The following MARK1 variants were observed in gnomAD, a reference collection of about 807,000 sequenced individuals.
MARK1 encodes the protein serine/threonine-protein kinase MARK1.
In MARK1, 40 loss-of-function variants were observed where a neutral mutation model predicts 96.3. The observed-to-expected ratio is 0.42, with a 90% CI of 0.32 to 0.54. The LOEUF is 0.54. MARK1 is among the 20% of genes least tolerant of loss of function. MARK1 has a pLI of 0.16. For synonymous variants in MARK1, 317 were observed against 341.2 expected, an observed-to-expected ratio of 0.93 and a Z score of 0.78; for missense variants, 719 against 984.6, an observed-to-expected ratio of 0.73 and a Z score of 3.61.
chr1:220,566,836 T>C (rs1663093113), intron 1 of MARK1, among the ~76,000 whole-genome samples: 1 of 152,154 alleles, frequency 6.6e-6, no homozygotes, highest in African/African-American at 2.4e-5. Context: ...GTTGAATGCT[T>C]TTTTAGACAT....
chr1:220,633,876 A>G (rs1304419493), intron 11 of MARK1, among the ~76,000 whole-genome samples: 2 of 152,208 alleles, frequency 1.3e-5, no homozygotes, highest in Non-Finnish European at 2.9e-5. Flanking sequence ...GGATGGAGCT[A>G]TTAGGCATTT....
chr1:220,640,654 T>C (rs908288771), intron 13 of MARK1, among the ~76,000 whole-genome samples: 3 of 152,186 alleles, frequency 2.0e-5, no homozygotes, highest in Non-Finnish European at 2.9e-5. Context: ...TTCTTACAAC[T>C]CTGGAGGCTG....
intron 1 of MARK1, among the ~76,000 whole-genome samples, chr1:220,542,834 G>A (rs575783097): frequency 1.2e-4 from 19 of 152,096 alleles, no homozygotes; most frequent in Admixed American, 7.2e-4. Flanking sequence ...CTACTGCACT[G>A]TAGAAATTCT....
intron 13 of MARK1, 136 bp downstream of exon 13, chr1:220,636,162 G>A (rs1667953804): frequency 3.4e-6 from 2 of 587,898 alleles, no homozygotes; most frequent in Non-Finnish European, 5.5e-6. Flanking sequence ...ATGCAAAAGG[G>A]ACCACACTTC....
Position 220,528,806 on chromosome 1 carries a change from C to T in MARK1, c.-17C>T. On this transcript the variant is annotated 5_prime_UTR_variant, in exon 1 of 18. Coordinates refer to ENST00000366917, the MANE Select transcript of MARK1 (RefSeq NM_018650.5). ...CCGGCCGGCGAGACCCCGGCCAGAC[C>T]CCGCTGCCCGCACAAAATGTCGGCC... The T allele has an allele frequency of 6.5e-7, 1 of 1,549,954 alleles. No homozygotes were observed. The highest frequency in any genetic ancestry group is 1.8e-4 in the Middle Eastern group (1 of 5,674).
chr1:220,642,432 C>G (rs1021520127), intron 13 of MARK1, among the ~76,000 whole-genome samples: 1 of 152,152 alleles, frequency 6.6e-6, no homozygotes, highest in Non-Finnish European at 1.5e-5. Flanking sequence ...GGCAGGGCCT[C>G]CCTGCAGGAA....
At chr1:220,642,410 C>T (rs1323616599) in intron 13 of MARK1, among the ~76,000 whole-genome samples, 4 of 152,170 alleles carry the variant, frequency 2.6e-5, no homozygotes, top group African/African-American at 4.8e-5. Flanking sequence ...CTGGATCCAT[C>T]CCTCGTCACC....
At chr1:220,547,855 C>A (rs1001661991) in intron 1 of MARK1, among the ~76,000 whole-genome samples, 13 of 152,154 alleles carry the variant, frequency 8.5e-5, no homozygotes, top group Admixed American at 7.9e-4. Flanking sequence ...CGCGAGCCAC[C>A]GCGCACAACC....
At chr1:220,651,450 A>G (rs921855491) in intron 14 of MARK1, among the ~76,000 whole-genome samples, 1 of 152,216 alleles carries the variant, frequency 6.6e-6, no homozygotes, top group African/African-American at 2.4e-5. Flanking sequence ...TTGGAAATTG[A>G]TTTCAGACTT....
rs1330440721 is a variant in MARK1 at position 220,528,233 on chromosome 1, C to T, written c.-590C>T. On this transcript the variant is annotated 5_prime_UTR_variant, in exon 1 of 18. Transcript: ENST00000366917. ...GCCGCTCCTCCTGACTGAGGCGCGG[C>T]GGCGGCGGTGGCTGTGACCGCGCGG... is the stretch of plus-strand genomic sequence containing the variant. 6.6e-6 allele frequency: 1 copy of T among 150,478 alleles called. No homozygotes were observed. Among genetic ancestry groups the T allele is most frequent in the Admixed American group, 6.6e-5 (1 of 15,122 alleles). 9.3% of individuals were successfully genotyped at this position (150,478 alleles called of 1,614,324 possible).
intron 13 of MARK1, among the ~76,000 whole-genome samples, chr1:220,644,205 A>T (rs1292792699): frequency 6.6e-6 from 1 of 152,190 alleles, no homozygotes; most frequent in Admixed American, 6.5e-5. Context: ...TAGGCTCAAA[A>T]TAAAGGGATG....
chr1:220,586,011 A>ACACACATGCACGCG (rs112968910), intron 3 of MARK1, among the ~76,000 whole-genome samples: 4 of 148,536 alleles, frequency 2.7e-5, no homozygotes, highest in Admixed American at 6.6e-5. Context: ...ACACACACAC[A>ACACACATGCACGCG]CGCGCGCGTG....
At chr1:220,639,330 T>C (rs1476538222) in intron 13 of MARK1, among the ~76,000 whole-genome samples, 1 of 152,226 alleles carries the variant, frequency 6.6e-6, no homozygotes, top group Non-Finnish European at 1.5e-5. Flanking sequence ...TATTTTATTT[T>C]ACTTTTTTAT....
At chr1:220,650,304 C>G (rs1362019192) in intron 13 of MARK1, among the ~76,000 whole-genome samples, 1 of 152,152 alleles carries the variant, frequency 6.6e-6, no homozygotes, top group Non-Finnish European at 1.5e-5. Flanking sequence ...GAGCTGCTCA[C>G]ACCCCTGCTC....
chr1:220,588,456 T>G (rs1309863397), intron 3 of MARK1, among the ~76,000 whole-genome samples: 2 of 152,246 alleles, frequency 1.3e-5, no homozygotes, highest in Non-Finnish European at 2.9e-5. Context: ...TTATCAAGTT[T>G]ATAAAGAAAT....
rs188099533 is a variant in MARK1, at chr1:220,581,268, T to A, written c.309+150T>A. 200 of 349,962 alleles carry A rather than the reference T, an allele frequency of 5.7e-4. 1 individual carries two copies. The East Asian group carries it at 8.3e-3, about 14-fold the overall frequency. 21.7% of individuals were successfully genotyped at this position (349,962 alleles called of 1,614,324 possible). On this transcript the variant is annotated intron_variant, in intron 3 of 17. Transcript: ENST00000366917. The stretch of plus-strand genomic sequence containing the variant: ...AAGACATAATATAAAATGTAATGTT[T>A]ATGACTTACCAAGTAGTTGCTTGAA...
In MARK1 at chr1:220,653,248, T is replaced by C. The variant is rs767218004; in HGVS notation, c.1884T>C (p.Asn628=). The C allele has an allele frequency of 6.2e-7, 1 of 1,614,214 alleles. No individual in the cohort carries two copies. Among genetic ancestry groups the C allele is most frequent in the South Asian group, 1.1e-5 (1 of 91,084 alleles). ...GGGAGCGACGCAGCGTTGCTTATAATGGGCCACCTGCTTCACCATCCCATG... is the reference window on the plus strand; with the variant it reads ...GGGAGCGACGCAGCGTTGCTTATAACGGGCCACCTGCTTCACCATCCCATG... ...QLRERRSVAY[N]GPPASPSHET... Residue 628 remains asparagine (N), a synonymous_variant, in exon 16 of 18, where the codon AAT becomes AAC. Coordinates refer to ENST00000366917, the MANE Select transcript of MARK1 (RefSeq NM_018650.5).
intron 1 of MARK1, among the ~76,000 whole-genome samples, chr1:220,566,731 A>G (rs376762033): frequency 6.6e-6 from 1 of 152,314 alleles, no homozygotes; most frequent in East Asian, 1.9e-4. Flanking sequence ...GGCATAATCT[A>G]CTAATTTGCT....
At chr1:220,657,859 G>A (rs781317788) in intron 17 of MARK1, 25 bp downstream of exon 17, 57 of 1,514,900 alleles carry the variant, frequency 3.8e-5, no homozygotes, top group Non-Finnish European at 4.6e-5. Flanking sequence ...TTAATACTTC[G>A]CTGCTAGGTC....
Sources: allele counts gnomAD v4.1 joint callset (sites outside exome capture counted in the v4.1 genomes callset), GRCh38; gene constraint gnomAD v4.1.1; transcripts MANE v1.5; gene names NCBI Gene and HGNC (gene_info 2026-07-23, HGNC 2026-07-21).